Variants in MAML1 observed in about 807,000 individuals in gnomAD.
MAML1 encodes the protein mastermind like transcriptional coactivator 1.
MAML1 carries 14 observed loss-of-function variants against 77.1 expected under a neutral mutation model. The ratio of observed to expected loss-of-function variants is 0.18; its 90% CI spans 0.12 to 0.28. The LOEUF (loss-of-function observed/expected upper bound fraction) is 0.28, where lower values mean the gene tolerates loss of function less well. Ranked by LOEUF, MAML1 falls within the 10% of genes least tolerant of loss-of-function variation. MAML1 has a pLI of 1.00. For missense variants in MAML1, 1,217 were observed against 1,327.8 expected, an observed-to-expected ratio of 0.92 and a Z score of 1.30; for synonymous variants, 516 against 551.9, an observed-to-expected ratio of 0.93 and a Z score of 0.91.
chr5:179,761,843 C>T (rs1001124696), intron 1 of MAML1, among the ~76,000 whole-genome samples: 2 of 152,170 alleles, frequency 1.3e-5, no homozygotes, highest in Non-Finnish European at 1.5e-5. Context: ...AAGCAGTTCT[C>T]AACTCCTCCC....
At chr5:179,770,218 G>A (rs1280248709) in intron 3 of MAML1, among the ~76,000 whole-genome samples, 1 of 152,166 alleles carries the variant, frequency 6.6e-6, no homozygotes, top group African/African-American at 2.4e-5. Flanking sequence ...GGAGGCCGAG[G>A]TGGGCGGATC....
At chr5:179,752,948 A>C (rs910617100) in intron 1 of MAML1, among the ~76,000 whole-genome samples, 12 of 151,872 alleles carry the variant, frequency 7.9e-5, no homozygotes, top group African/African-American at 2.9e-4. Context: ...TAATTTTTGT[A>C]TTTTAGTAGA....
chr5:179,758,876 G>A (rs887822377), intron 1 of MAML1, among the ~76,000 whole-genome samples: 1 of 152,010 alleles, frequency 6.6e-6, no homozygotes, highest in Non-Finnish European at 1.5e-5. Flanking sequence ...GGTGGCGCAC[G>A]CCTGTCATCC....
rs183246199 is a variant in MAML1 at position 179,745,775 on chromosome 5, G to A, written c.315+12348G>A. 9.5e-4 allele frequency among the ~76,000 whole-genome samples: 143 copies of A among 150,050 alleles called. 4 individuals are homozygous for A. In the East Asian group the frequency reaches 0.027, roughly 28 times the overall value. On this transcript the variant is annotated intron_variant, in intron 1 of 4. Coordinates refer to ENST00000292599, the MANE Select transcript of MAML1 (RefSeq NM_014757.5). ...CTGAGGAGGCTGAGGCAGGAGAATG[G>A]CGTGAACCCAGGAGGCGGAGCGTGG...
In MAML1 at chr5:179,771,050, A is replaced by C. The variant is rs1400412674; in HGVS notation, c.1972-97A>C. ...CACAGGAGCCCATTTGTGAGTAACA[A>C]ACTTGGATAAGTTACTTTTCTCTGA... On this transcript the variant is annotated intron_variant, in intron 3 of 4. Transcript: ENST00000292599. The surrounding 1 kb of genome is among the most constrained non-coding windows in gnomAD (Gnocchi z 4.7). 1 of 873,442 alleles carries C rather than the reference A, an allele frequency of 1.1e-6. No individual in the cohort carries two copies. The highest frequency in any genetic ancestry group is 1.9e-5 in the Admixed American group (1 of 53,336). The allele number at this position is 873,442 out of a possible 1,614,324, so 54.1% of individuals were successfully genotyped here.
At chr5:179,740,855 G>A (rs942336522) in intron 1 of MAML1, among the ~76,000 whole-genome samples, 1 of 152,002 alleles carries the variant, frequency 6.6e-6, no homozygotes, top group Non-Finnish European at 1.5e-5. Flanking sequence ...AACTTTCTTT[G>A]CACTTTAAAA....
chr5:179,765,492 T>A lies in MAML1; in HGVS notation c.482T>A (p.Leu161His), dbSNP rs150744171. The A allele has an allele frequency of 1.9e-6, 3 of 1,614,086 alleles. No individual in the cohort carries two copies. Among genetic ancestry groups the A allele is most frequent in the Non-Finnish European group, 2.5e-6 (3 of 1,180,006 alleles). Residue 161 changes from leucine to histidine, a missense_variant, in exon 2 of 5, where the codon CTC (leucine) becomes CAC (histidine). Physicochemically the swap from Leu to His is moderately conservative, Grantham distance 99 (BLOSUM62 -3). Coordinates refer to ENST00000292599, the MANE Select transcript of MAML1 (RefSeq NM_014757.5). ...AATGGACTGCCTCCAGCCTCCCCCC[T>A]CGGTCAGTCTGACAAGCCTTCTGGA... The part of the protein sequence containing the change: ...SSNGLPPASP[L>H]GQSDKPSGAD...
chr5:179,754,031 C>G (rs1779563728), intron 1 of MAML1, among the ~76,000 whole-genome samples: 1 of 151,914 alleles, frequency 6.6e-6, no homozygotes, highest in Admixed American at 6.5e-5. Flanking sequence ...CGCCTGTAAT[C>G]TCAGCACTTT....
At chr5:179,745,640 C>A (rs1272736744) in intron 1 of MAML1, among the ~76,000 whole-genome samples, 3 of 150,824 alleles carry the variant, frequency 2.0e-5, no homozygotes, top group African/African-American at 7.3e-5. Context: ...GCGGGCAGAT[C>A]ACGAGGTCAG....
intron 1 of MAML1, among the ~76,000 whole-genome samples, chr5:179,742,443 C>G (rs531618503): frequency 5.3e-5 from 8 of 151,526 alleles, no homozygotes; most frequent in Non-Finnish European, 1.0e-4. Flanking sequence ...GAGCCGAGAT[C>G]GTGACACTGC....
Position 179,766,624 on chromosome 5 carries a change from C to T in MAML1, c.1614C>T (p.Ala538=), listed in dbSNP as rs1460415607. 1 of 1,613,082 alleles carries T rather than the reference C, an allele frequency of 6.2e-7. No homozygotes were observed. The highest frequency in any genetic ancestry group is 1.3e-5 in the African/African-American group (1 of 74,906). Residue 538 remains alanine (A), a synonymous_variant, in exon 2 of 5, where the codon GCC becomes GCT. Transcript: ENST00000292599. This position sits in a 1 kb window ranked among gnomAD's most constrained non-coding sequence, Gnocchi z 4.0. Reference sequence around the variant, plus strand: ...CGGGGTCTGGCCAGAGCAAGCCAGCCCTGATGGCTTATCTTCCCCAGCAGC... The same window carrying T: ...CGGGGTCTGGCCAGAGCAAGCCAGCTCTGATGGCTTATCTTCCCCAGCAGC... ...GSPGSGQSKP[A]LMAYLPQQLS...
intron 1 of MAML1, among the ~76,000 whole-genome samples, chr5:179,743,661 G>A (rs932731577): frequency 3.3e-5 from 5 of 151,874 alleles, no homozygotes; most frequent in Admixed American, 6.6e-5. Context: ...CACTGCGCCC[G>A]GCCCTCGCTC....
intron 1 of MAML1, among the ~76,000 whole-genome samples, chr5:179,755,629 C>T (rs907072166): frequency 7.9e-5 from 12 of 151,552 alleles, no homozygotes; most frequent in Admixed American, 2.0e-4. Flanking sequence ...AGCCTGCGGC[C>T]GAGATGGCTT....
chr5:179,742,454 A>G (rs1779301257), intron 1 of MAML1, among the ~76,000 whole-genome samples: 1 of 151,840 alleles, frequency 6.6e-6, no homozygotes, highest in South Asian at 2.1e-4. Flanking sequence ...GTGACACTGC[A>G]CTCCAGCCCA....
At chr5:179,742,514 A>G (rs1259334161) in intron 1 of MAML1, among the ~76,000 whole-genome samples, 1 of 150,422 alleles carries the variant, frequency 6.6e-6, no homozygotes, top group African/African-American at 2.5e-5. Flanking sequence ...AAAAAAACCA[A>G]CATTTTTGCC....
chr5:179,733,266 G>T lies in MAML1; in HGVS notation c.154G>T (p.Glu52Ter). ...CGTGTCGCCCGAGCGCCTGGAGCTG[G>T]AGCGCCAACACACCTTCGCCCTGCA... is the stretch of plus-strand genomic sequence containing the variant. ...EAVSPERLELERQHTFALHQR... is the reference protein window; with the variant it reads ...EAVSPERLEL The change falls in exon 1 of 5, where the codon GAG becomes TAG. Residue 52 changes from glutamate to a stop codon, truncating the protein, a stop_gained. Coordinates refer to ENST00000292599, the MANE Select transcript of MAML1 (RefSeq NM_014757.5). LOFTEE classifies it high-confidence loss of function. 6.8e-7 allele frequency: 1 copy of T among 1,464,488 alleles called. No individual in the cohort carries two copies. The highest frequency in any genetic ancestry group is 9.0e-7 in the Non-Finnish European group (1 of 1,110,328). 90.7% of individuals were successfully genotyped at this position (1,464,488 alleles called of 1,614,324 possible). A position where few individuals can be genotyped will look rare whatever the true frequency, so the allele number is the denominator to read the frequency against.
intron 1 of MAML1, among the ~76,000 whole-genome samples, chr5:179,753,245 G>A (rs1183426076): frequency 6.6e-6 from 1 of 152,060 alleles, no homozygotes; most frequent in African/African-American, 2.4e-5. Context: ...GCGCGTGCTG[G>A]GGTGAAGGAG....
At chr5:179,745,372 T>C (rs1779359082) in intron 1 of MAML1, among the ~76,000 whole-genome samples, 1 of 152,152 alleles carries the variant, frequency 6.6e-6, no homozygotes, top group East Asian at 1.9e-4. Context: ...GTTTTTGTTT[T>C]TGTAAATTTA....
chr5:179,774,517 T>A lies in MAML1; in HGVS notation c.2691T>A (p.Ala897=). 6.2e-7 allele frequency: 1 copy of A among 1,613,166 alleles called. No homozygotes were observed. Reference sequence around the variant, plus strand: ...CCATGGCTCCCATGAGCTCAGCAGCTGCCGTGGGGTCCTTGCTACCCCCAG... The same window carrying A: ...CCATGGCTCCCATGAGCTCAGCAGCAGCCGTGGGGTCCTTGCTACCCCCAG... ...NRPMAPMSSA[A]AVGSLLPPVS... Residue 897 remains alanine, a synonymous_variant, in exon 5 of 5, where the codon GCT becomes GCA. Coordinates refer to ENST00000292599, the MANE Select transcript of MAML1 (RefSeq NM_014757.5).
Sources: gnomAD v4.1 joint callset for allele counts (sites outside exome capture counted in the v4.1 genomes callset) on GRCh38, gnomAD v4.1.1 for gene constraint, Gnocchi (gnomAD v3.1) non-coding constraint, MANE v1.5 for transcripts, NCBI Gene and HGNC (gene_info 2026-07-23, HGNC 2026-07-21) for gene names.